Variants in CTCFL observed in about 807,000 individuals in gnomAD.
The protein encoded by CTCFL is transcriptional repressor CTCFL.
Under a neutral mutation model 67.4 loss-of-function variants are expected in CTCFL, and 36 were observed. That is an observed-to-expected ratio of 0.53 (90% CI 0.41 to 0.71). The LOEUF is 0.71. Ranked by LOEUF, CTCFL falls within the 30% of genes least tolerant of loss-of-function variation. CTCFL has a pLI of 0.00. For synonymous variants in CTCFL, 324 were observed against 302.3 expected, an observed-to-expected ratio of 1.07 and a Z score of -0.75; for missense variants, 786 against 835.2, an observed-to-expected ratio of 0.94 and a Z score of 0.73.
intron 9 of CTCFL, among the ~76,000 whole-genome samples, chr20:57,504,960 A>G (rs1281062956): frequency 1.3e-5 from 2 of 151,858 alleles, no homozygotes; most frequent in African/African-American, 4.8e-5. Flanking sequence ...GCACCCTGCA[A>G]ATAAACTCCT....
chr20:57,514,491 G>A (rs755444985), intron 7 of CTCFL, 101 bp downstream of exon 7: 36 of 1,391,554 alleles, frequency 2.6e-5, no homozygotes, highest in South Asian at 8.2e-5. Context: ...CCCGAAGACC[G>A]GGCCTCCCAG....
chr20:57,499,839 G>C (rs2067826351), intron 10 of CTCFL: 1 of 372,922 alleles, frequency 2.7e-6, no homozygotes, highest in Non-Finnish European at 3.7e-6. Flanking sequence ...CGGAGCTCAG[G>C]CGGTGATGCG....
intron 9 of CTCFL, among the ~76,000 whole-genome samples, chr20:57,505,804 T>G (rs1441187666): frequency 6.6e-6 from 1 of 152,236 alleles, no homozygotes; most frequent in East Asian, 1.9e-4. Context: ...TAGTCTCATC[T>G]AACAAACACT....
Position 57,524,085 on chromosome 20 carries a change from G to A in CTCFL, c.121C>T (p.His41Tyr), listed in dbSNP as rs748032214. Residue 41 changes from histidine (H) to tyrosine (Y), a missense_variant, in exon 2 of 11, where the codon CAT becomes TAT. Physicochemically the swap from His to Tyr is moderately conservative, Grantham distance 83 (BLOSUM62 2). Around this residue, in one of 3 missense-constraint regions of CTCFL, gnomAD observed 333 missense variants for 304.6 expected, o/e 1.09. Transcript: ENST00000243914. ...GCCTCCAACTCACTAGGGCTCCGAT[G>A]GTCTTTCTCTCTGCACACTCCGTCT... The part of the protein sequence containing the change: ...EKDGVCREKD[H>Y]RSPSELEAER... 6.2e-6 allele frequency: 10 copies of A among 1,613,588 alleles called. No individual in the cohort carries two copies. Among genetic ancestry groups the A allele is most frequent in the Admixed American group, 1.7e-5 (1 of 59,992 alleles).
chr20:57,522,672 A>C (rs541529340), intron 3 of CTCFL, among the ~76,000 whole-genome samples: 1 of 152,204 alleles, frequency 6.6e-6, no homozygotes, highest in African/African-American at 2.4e-5. Flanking sequence ...CACCTCCCTT[A>C]GAAGGCACCC....
Position 57,498,671 on chromosome 20 carries a change from T to C in CTCFL, c.1871A>G (p.Lys624Arg). 1 of 1,613,872 alleles carries C rather than the reference T, an allele frequency of 6.2e-7. No individual in the cohort carries two copies. The highest frequency in any genetic ancestry group is 8.5e-7 in the Non-Finnish European group (1 of 1,179,884). Residue 624 changes from lysine (K) to arginine (R), a missense_variant, in exon 11 of 11, where the codon AAG becomes AGG. Physicochemically the swap from Lys to Arg is conservative, Grantham distance 26. This residue lies in a region of CTCFL where 199 missense variants were observed against 196.7 expected (regional missense o/e 1.01). Coordinates refer to ENST00000243914, the MANE Select transcript of CTCFL (RefSeq NM_001386993.1). ...CATCTCTCCTGGGAACTGTTCTCCCTTCGTGGTGGAAGCCTCCTCAGCAGC... is the reference window on the plus strand; with the variant it reads ...CATCTCTCCTGGGAACTGTTCTCCCCTCGTGGTGGAAGCCTCCTCAGCAGC... ...EAAAEEASTT[K>R]GEQFPGEMFP...
At chr20:57,524,520 T>G (rs2069701307) in intron 1 of CTCFL, 1 of 1,158,960 alleles carries the variant, frequency 8.6e-7, no homozygotes, top group Admixed American at 4.5e-5. Context: ...CTGAGCACAC[T>G]CTGGCCCAGT....
At position 57,498,590 on chromosome 20, in the gene CTCFL, C is replaced by T; in HGVS notation, c.1952G>A (p.Gly651Asp). ...GTTGAGGAGCATTTCACAGGTCACG[C>T]CTTCATCCACTTCCTCTTTGACTCT... ...TARVKEEVDE[G>D]VTCEMLLNTM... is the part of the protein sequence containing the mutation. Residue 651 changes from glycine (G) to aspartate (D), a missense_variant, in exon 11 of 11, where the codon GGC becomes GAC. Around this residue, in one of 3 missense-constraint regions of CTCFL, gnomAD observed 199 missense variants for 196.7 expected, o/e 1.01. Coordinates refer to ENST00000243914, the MANE Select transcript of CTCFL (RefSeq NM_001386993.1). 1.2e-6 allele frequency: 2 copies of T among 1,614,126 alleles called. No individual in the cohort carries two copies. Among genetic ancestry groups the T allele is most frequent in the South Asian group, 2.2e-5 (2 of 91,070 alleles).
In CTCFL at chr20:57,497,497, A is replaced by G; in HGVS notation, c.*1053T>C. The G allele has an allele frequency of 1.0e-6, 1 of 985,474 alleles. No individual in the cohort carries two copies. The highest frequency in any genetic ancestry group is 4.7e-5 in the South Asian group (1 of 21,288). The allele number at this position is 985,474 out of a possible 1,614,324, so 61.0% of individuals were successfully genotyped here. On this transcript the variant is annotated 3_prime_UTR_variant, in exon 11 of 11. Transcript: ENST00000243914. ...GGGGTGGAGACAGGTTGGCAGCAAAACAAACTGCTCAACTAAGCAATGAAG... is the reference window on the plus strand; with the variant it reads ...GGGGTGGAGACAGGTTGGCAGCAAAGCAAACTGCTCAACTAAGCAATGAAG...
intron 9 of CTCFL, chr20:57,508,018 C>T: frequency 3.3e-6 from 2 of 613,834 alleles, no homozygotes; most frequent in African/African-American, 1.8e-5. Context: ...TCGTGACTCA[C>T]TGTAGCCTCC....
chr20:57,503,439 C>G lies in CTCFL; in HGVS notation c.1837G>C (p.Asp613His). The G allele has an allele frequency of 6.2e-7, 1 of 1,614,168 alleles. No homozygotes were observed. Among genetic ancestry groups the G allele is most frequent in the Non-Finnish European group, 8.5e-7 (1 of 1,180,010 alleles). Residue 613 changes from aspartate (D) to histidine (H), a missense_variant, in exon 10 of 11, where the codon GAC (aspartate) becomes CAC (histidine). This residue lies in a region of CTCFL where 199 missense variants were observed against 196.7 expected (regional missense o/e 1.01). Coordinates refer to ENST00000243914, the MANE Select transcript of CTCFL (RefSeq NM_001386993.1). ...AKGWKEAANGDEAAAEEASTT... is the reference protein window; with the variant it reads ...AKGWKEAANGHEAAAEEASTT... ...CAAATCTGCGTAAAATCAGTACCGT[C>G]TCCGTTCGCGGCTTCCTTCCATCCC...
intron 8 of CTCFL, among the ~76,000 whole-genome samples, chr20:57,510,484 T>C (rs2068478152): frequency 6.6e-6 from 1 of 152,246 alleles, no homozygotes. Flanking sequence ...TGCAACTACT[T>C]GTATATAAAA....
At chr20:57,511,705 C>T (rs2068572484) in intron 8 of CTCFL, among the ~76,000 whole-genome samples, 1 of 151,898 alleles carries the variant, frequency 6.6e-6, no homozygotes, top group South Asian at 2.1e-4. Context: ...AATTCTCCTG[C>T]CTCAGCCTCC....
chr20:57,502,702 C>T (rs145101201), intron 10 of CTCFL, among the ~76,000 whole-genome samples: 3 of 152,276 alleles, frequency 2.0e-5, no homozygotes, highest in Non-Finnish European at 4.4e-5. Flanking sequence ...TCACAGGACA[C>T]ACAGGACAGG....
Position 57,512,852 on chromosome 20 carries a change from A to G in CTCFL, c.1331-100T>C. On this transcript the variant is annotated intron_variant, in intron 7 of 10. Coordinates refer to ENST00000243914, the MANE Select transcript of CTCFL (RefSeq NM_001386993.1). ...CGGGGTTTCTCAGCCTTGGCGCTGGAACATGCTAGTTCCTTCCTGGGCAGG... is the reference window on the plus strand; with the variant it reads ...CGGGGTTTCTCAGCCTTGGCGCTGGGACATGCTAGTTCCTTCCTGGGCAGG... 4.4e-6 allele frequency: 5 copies of G among 1,136,004 alleles called. No individual in the cohort carries two copies. In the South Asian group the frequency reaches 7.3e-5, roughly 17 times the overall value. 70.4% of individuals were successfully genotyped at this position (1,136,004 alleles called of 1,614,324 possible).
At chr20:57,504,268 ACCCGC>A (rs1263386048) in intron 9 of CTCFL, among the ~76,000 whole-genome samples, 3 of 144,470 alleles carry the variant, frequency 2.1e-5, no homozygotes, top group Non-Finnish European at 4.5e-5. Flanking sequence ...GAGCCACTGC[ACCCGC>A]CCCCCGTCTC....
intron 9 of CTCFL, among the ~76,000 whole-genome samples, chr20:57,504,134 G>A (rs1172681351): frequency 6.0e-5 from 9 of 150,004 alleles, no homozygotes; most frequent in South Asian, 4.2e-4. Flanking sequence ...CCGTCACCAC[G>A]CCCGGCTGAT....
At chr20:57,509,173 A>ATTT (rs2068394467) in intron 8 of CTCFL, among the ~76,000 whole-genome samples, 1 of 152,208 alleles carries the variant, frequency 6.6e-6, no homozygotes, top group East Asian at 1.9e-4. Flanking sequence ...TGCAAACTTA[A>ATTT]AAATCAAATG....
intron 9 of CTCFL, among the ~76,000 whole-genome samples, chr20:57,505,923 C>T (rs1887733): frequency 0.3 from 45,434 of 152,170 alleles, 7,360 homozygotes; most frequent in East Asian, 0.41. Context: ...AACATCCCGC[C>T]TGATTCCCAT....
Sources: allele counts gnomAD v4.1 joint callset (sites outside exome capture counted in the v4.1 genomes callset), GRCh38; gene constraint gnomAD v4.1.1; regional missense constraint gnomAD v4.1.1; transcripts MANE v1.5; gene names NCBI Gene and HGNC (gene_info 2026-07-23, HGNC 2026-07-21).